The following BACE2 variants were observed in gnomAD, a reference collection of about 807,000 sequenced individuals.
The protein encoded by BACE2 is 56 kDa aspartic-like protease.
A neutral mutation model predicts 46.2 loss-of-function variants in BACE2; 17 were observed. The ratio of observed to expected loss-of-function variants is 0.37; its 90% CI spans 0.25 to 0.55. The LOEUF (loss-of-function observed/expected upper bound fraction) is 0.55, where lower values mean the gene tolerates loss of function less well. BACE2 is among the 20% of genes least tolerant of loss of function. BACE2 has a pLI of 0.82. For synonymous variants in BACE2, 277 were observed against 295.9 expected (o/e 0.94, Z 0.66); for missense variants, 595 against 698.1 (o/e 0.85, Z 1.66).
At chr21:41,198,885 A>AT (rs560072378) in intron 1 of BACE2, among the ~76,000 whole-genome samples, 5,503 of 148,914 alleles carry the variant, frequency 0.037, 356 homozygotes, top group African/African-American at 0.13. Context: ...TTATTTATTT[A>AT]TTATACTTTA....
chr21:41,249,050 A>T (rs1362964203), intron 6 of BACE2, among the ~76,000 whole-genome samples: 2 of 152,172 alleles, frequency 1.3e-5, no homozygotes, highest in Non-Finnish European at 2.9e-5. Flanking sequence ...CTCACCTGTC[A>T]GTGCCTCTGG....
intron 3 of BACE2, among the ~76,000 whole-genome samples, chr21:41,238,108 C>T (rs768326929): frequency 1.3e-5 from 2 of 152,244 alleles, no homozygotes; most frequent in Admixed American, 6.5e-5. Flanking sequence ...AGCCTGCAGA[C>T]GGCCCTGGAA....
chr21:41,190,092 C>CTT (rs1985514220), intron 1 of BACE2, among the ~76,000 whole-genome samples: 1 of 152,192 alleles, frequency 6.6e-6, no homozygotes, highest in Non-Finnish European at 1.5e-5. Flanking sequence ...CAGCCCACTG[C>CTT]CTCAAACGTT....
chr21:41,174,138 C>CATTT (rs1568853912), intron 1 of BACE2, among the ~76,000 whole-genome samples: 1 of 70,650 alleles, frequency 1.4e-5, no homozygotes, highest in Non-Finnish European at 2.3e-5. Context: ...TGATCAGTGG[C>CATTT]CTTTTTTTTT....
At chr21:41,225,868 G>T (rs1465787629) in intron 1 of BACE2, among the ~76,000 whole-genome samples, 1 of 152,206 alleles carries the variant, frequency 6.6e-6, no homozygotes, top group Admixed American at 6.5e-5. Flanking sequence ...TTGGATCGGG[G>T]TTTCCAGGCG....
At chr21:41,255,511 G>C (rs540060258) in intron 7 of BACE2, among the ~76,000 whole-genome samples, 1 of 152,218 alleles carries the variant, frequency 6.6e-6, no homozygotes, top group Non-Finnish European at 1.5e-5. Flanking sequence ...CCACACGGAC[G>C]AAGTGATTAG....
At chr21:41,211,737 A>G (rs1277652863) in intron 1 of BACE2, among the ~76,000 whole-genome samples, 2 of 152,244 alleles carry the variant, frequency 1.3e-5, no homozygotes, top group Non-Finnish European at 2.9e-5. Flanking sequence ...TAATTTTCCT[A>G]TCTATTAACC....
At chr21:41,187,614 G>A (rs1985424974) in intron 1 of BACE2, among the ~76,000 whole-genome samples, 1 of 152,208 alleles carries the variant, frequency 6.6e-6, no homozygotes, top group South Asian at 2.1e-4. Context: ...GCCTCTGTGA[G>A]TTTGGAGTGT....
At chr21:41,181,529 A>T (rs1474291593) in intron 1 of BACE2, 2 of 167,110 alleles carry the variant, frequency 1.2e-5, no homozygotes, top group African/African-American at 4.8e-5. Context: ...TGGTCTTGGA[A>T]ACTTGGCAAC....
intron 1 of BACE2, chr21:41,184,681 G>A (rs1028490652): frequency 7.5e-5 from 12 of 159,880 alleles, no homozygotes; most frequent in African/African-American, 3.1e-4. Flanking sequence ...ATGATATTGG[G>A]GTGGAATCTC....
chr21:41,214,195 G>A (rs1183915959), intron 1 of BACE2, among the ~76,000 whole-genome samples: 2 of 152,234 alleles, frequency 1.3e-5, no homozygotes, highest in Non-Finnish European at 2.9e-5. Context: ...CCAGGTGCCA[G>A]GCACTGGTAC....
At chr21:41,262,551 A>G (rs928883529) in intron 8 of BACE2, among the ~76,000 whole-genome samples, 1 of 152,118 alleles carries the variant, frequency 6.6e-6, no homozygotes, top group African/African-American at 2.4e-5. Flanking sequence ...AGATCCCTGA[A>G]AAACCCTGTT....
At chr21:41,241,213 G>T (rs1290016669) in intron 3 of BACE2, among the ~76,000 whole-genome samples, 1 of 152,180 alleles carries the variant, frequency 6.6e-6, no homozygotes, top group Admixed American at 6.5e-5. Context: ...GCACACGAGG[G>T]CTTCTGAAAT....
At chr21:41,220,743 A>C in intron 1 of BACE2, among the ~76,000 whole-genome samples, 1 of 151,000 alleles carries the variant, frequency 6.6e-6, no homozygotes, top group East Asian at 1.9e-4. Flanking sequence ...TATATGTGAG[A>C]TTACATTCTA....
At chr21:41,196,557 AT>A (rs1031163154) in intron 1 of BACE2, among the ~76,000 whole-genome samples, 25 of 151,766 alleles carry the variant, frequency 1.6e-4, no homozygotes, top group African/African-American at 6.0e-4. Flanking sequence ...GCAAGTGAGA[AT>A]AGCAAGGTAG....
intron 1 of BACE2, among the ~76,000 whole-genome samples, chr21:41,201,337 A>G (rs978421097): frequency 6.6e-6 from 1 of 152,254 alleles, no homozygotes; most frequent in African/African-American, 2.4e-5. Flanking sequence ...TTTTTCACAA[A>G]TCAAGACACA....
chr21:41,207,022 T>G (rs548580243), intron 1 of BACE2, among the ~76,000 whole-genome samples: 1 of 152,252 alleles, frequency 6.6e-6, no homozygotes, highest in African/African-American at 2.4e-5. Context: ...AGGTTTGGAG[T>G]GGGTCTTCAA....
intron 1 of BACE2, among the ~76,000 whole-genome samples, chr21:41,223,076 A>G (rs1364350680): frequency 6.6e-6 from 1 of 152,186 alleles, no homozygotes; most frequent in African/African-American, 2.4e-5. Flanking sequence ...GGAATGGGCC[A>G]GGTGCAGTGG....
intron 3 of BACE2, among the ~76,000 whole-genome samples, chr21:41,239,963 G>A (rs1001180402): frequency 6.6e-6 from 1 of 152,272 alleles, no homozygotes; most frequent in African/African-American, 2.4e-5. Flanking sequence ...TTAATAATAT[G>A]TAAAGATTCT....
Sources: gnomAD v4.1 joint callset for allele counts (sites outside exome capture counted in the v4.1 genomes callset) on GRCh38, gnomAD v4.1.1 for gene constraint, MANE v1.5 for transcripts, NCBI Gene and HGNC (gene_info 2026-07-23, HGNC 2026-07-21) for gene names.